IQGAP1: variants seen among roughly 807,000 people sequenced by gnomAD.
IQGAP1 encodes ras GTPase-activating-like protein IQGAP1.
A neutral mutation model predicts 215.6 loss-of-function variants in IQGAP1; 66 were observed. The observed-to-expected ratio is 0.31, with a 90% CI of 0.25 to 0.38. The LOEUF (loss-of-function observed/expected upper bound fraction) is 0.38, where lower values mean the gene tolerates loss of function less well. IQGAP1 is among the 10% of genes least tolerant of loss of function. The probability of loss-of-function intolerance (pLI) is 1.00; values close to 1 mark genes in which losing one functional copy is unlikely to be tolerated. For missense variants in IQGAP1, 1,712 were observed against 1,997.1 expected, an observed-to-expected ratio of 0.86 and a Z score of 2.72; for synonymous variants, 772 against 728.7, an observed-to-expected ratio of 1.06 and a Z score of -0.96.
chr15:90,401,253 TA>T, intron 2 of IQGAP1, among the ~76,000 whole-genome samples: 1 of 152,232 alleles, frequency 6.6e-6, no homozygotes, highest in Non-Finnish European at 1.5e-5. Context: ...TTAAACATAT[TA>T]ATGTTTAAGA....
chr15:90,397,108 C>T (rs1964733246), intron 2 of IQGAP1, among the ~76,000 whole-genome samples: 1 of 152,148 alleles, frequency 6.6e-6, no homozygotes, highest in Admixed American at 6.5e-5. Flanking sequence ...CCGCCTCGGC[C>T]CCCGCAAAGT....
Position 90,425,763 on chromosome 15 carries a change from A to G in IQGAP1, c.156-347A>G, listed in dbSNP as rs138136652. 2.3e-3 allele frequency among the ~76,000 whole-genome samples: 343 copies of G among 152,316 alleles called. 1 individual carries two copies. The highest frequency in any genetic ancestry group is 7.9e-3 in the African/African-American group (328 of 41,558). ...GTTGAAATGGTGGCTTCAGTTACCA[A>G]TGGCTTTTCTTAGGATTTGTTAAAG... On this transcript the variant is annotated intron_variant, in intron 2 of 37. Transcript: ENST00000268182.
At chr15:90,399,973 T>G (rs1048103700) in intron 2 of IQGAP1, among the ~76,000 whole-genome samples, 3 of 152,210 alleles carry the variant, frequency 2.0e-5, no homozygotes, top group Non-Finnish European at 2.9e-5. Context: ...AGAAACAACA[T>G]CTGAAGCTAG....
chr15:90,497,173 C>G (rs1966284396), intron 36 of IQGAP1, 59 bp from the exon 37 acceptor site: 2 of 892,954 alleles, frequency 2.2e-6, no homozygotes, highest in South Asian at 3.1e-5. Context: ...CCCCATTTCA[C>G]AGAATATTTT....
intron 37 of IQGAP1, among the ~76,000 whole-genome samples, chr15:90,498,201 C>T (rs890523193): frequency 2.0e-5 from 3 of 152,034 alleles, no homozygotes; most frequent in African/African-American, 4.8e-5. Context: ...ACTTACTTCC[C>T]CTCTCCCCGC....
At chr15:90,405,658 C>G (rs933341019) in intron 2 of IQGAP1, among the ~76,000 whole-genome samples, 3 of 151,672 alleles carry the variant, frequency 2.0e-5, no homozygotes, top group African/African-American at 4.8e-5. Context: ...GAATCTTTGT[C>G]ATAGACTTGT....
chr15:90,402,962 T>C (rs1964824034), intron 2 of IQGAP1, among the ~76,000 whole-genome samples: 1 of 152,204 alleles, frequency 6.6e-6, no homozygotes, highest in African/African-American at 2.4e-5. Flanking sequence ...TTTATTTAAA[T>C]GACTATTATA....
chr15:90,432,096 C>G (rs1301404416), intron 4 of IQGAP1, among the ~76,000 whole-genome samples: 1 of 152,164 alleles, frequency 6.6e-6, no homozygotes. Context: ...TCAAGACTTG[C>G]TGACATAAGA....
At position 90,500,826 on chromosome 15, in the gene IQGAP1, G is replaced by C. The variant is rs1014680772; in HGVS notation, c.*718G>C. 5 of 152,602 alleles carry C rather than the reference G, an allele frequency of 3.3e-5. No homozygotes were observed. The highest frequency in any genetic ancestry group is 5.9e-5 in the Non-Finnish European group (4 of 68,032). 9.5% of individuals were successfully genotyped at this position (152,602 alleles called of 1,614,324 possible). A position where few individuals can be genotyped will look rare whatever the true frequency, so the allele number is the denominator to read the frequency against. ...CCCATTGCTAAAATTCAGCTACTCA[G>C]ATAAATTCAGAATGGGTCAAGGCAC... is the stretch of plus-strand genomic sequence containing the variant. On this transcript the variant is annotated 3_prime_UTR_variant, in exon 38 of 38. Coordinates refer to ENST00000268182, the MANE Select transcript of IQGAP1 (RefSeq NM_003870.4).
intron 37 of IQGAP1, among the ~76,000 whole-genome samples, chr15:90,499,095 C>T (rs1326026847): frequency 2.0e-5 from 3 of 152,078 alleles, no homozygotes; most frequent in Non-Finnish European, 2.9e-5. Flanking sequence ...GGATGACAGG[C>T]GTGAGCCACC....
chr15:90,388,404 C>CGGGGCTCCGCGGCGCG lies in IQGAP1; in HGVS notation c.55+15_55+30dup, dbSNP rs1964582117. The CGGGGCTCCGCGGCGCG allele has an allele frequency of 1.4e-6, 2 of 1,444,844 alleles. No individual in the cohort carries two copies. The highest frequency in any genetic ancestry group is 3.0e-5 in the African/African-American group (2 of 65,744). 89.5% of individuals were successfully genotyped at this position (1,444,844 alleles called of 1,614,324 possible). ...CCCGGCCGCACTATGGCTGTGAGTG[C>CGGGGCTCCGCGGCGCG]GGGGCTCCGCGGCGCGGGGGCTTCG... On this transcript the variant is annotated intron_variant, in intron 1 of 37. Transcript: ENST00000268182.
In IQGAP1 at chr15:90,454,565, C is replaced by T. The variant is rs200758809; in HGVS notation, c.1612+13C>T. ...GAGGAACATGAGAGTGAGTTATCTT[C>T]CTGTCCTCCCCAAATAATGTCACCA... On this transcript the variant is annotated intron_variant, in intron 14 of 37. Coordinates refer to ENST00000268182, the MANE Select transcript of IQGAP1 (RefSeq NM_003870.4). 241 of 1,529,632 alleles carry T rather than the reference C, an allele frequency of 1.6e-4. No individual in the cohort carries two copies. The highest frequency in any genetic ancestry group is 8.4e-4 in the African/African-American group (60 of 71,128). The allele number at this position is 1,529,632 out of a possible 1,614,324, so 94.8% of individuals were successfully genotyped here. A position where few individuals can be genotyped will look rare whatever the true frequency, so the allele number is the denominator to read the frequency against.
At chr15:90,463,226 A>G (rs2151027947) in intron 15 of IQGAP1, among the ~76,000 whole-genome samples, 1 of 152,304 alleles carries the variant, frequency 6.6e-6, no homozygotes, top group East Asian at 1.9e-4. Context: ...GAAAGGTTTT[A>G]CTTTAATCTG....
At chr15:90,476,867 T>G (rs767869410) in intron 24 of IQGAP1, 49 bp downstream of exon 24, 3 of 1,564,898 alleles carry the variant, frequency 1.9e-6, no homozygotes, top group Non-Finnish European at 2.6e-6. Context: ...GAATTTATTT[T>G]TCCACAAGAA....
intron 9 of IQGAP1, among the ~76,000 whole-genome samples, chr15:90,443,993 G>C (rs1459035648): frequency 1.3e-5 from 2 of 151,978 alleles, no homozygotes; most frequent in Non-Finnish European, 2.9e-5. Context: ...GAACCTGGGA[G>C]GCATAGGTTG....
intron 1 of IQGAP1, 105 bp downstream of exon 1, chr15:90,388,501 C>T: frequency 2.0e-6 from 2 of 987,268 alleles, no homozygotes; most frequent in Non-Finnish European, 1.4e-6. Flanking sequence ...GGGCGGCTGC[C>T]GGCAGCTCGG....
Position 90,467,157 on chromosome 15 carries a change from C to T in IQGAP1, c.2036-293C>T, listed in dbSNP as rs1275272668. ...CTGAATGGTTGCACATTTTTTAAGACAGACAGGCCTTAAACTTTGGCTTTG... is the reference window on the plus strand; with the variant it reads ...CTGAATGGTTGCACATTTTTTAAGATAGACAGGCCTTAAACTTTGGCTTTG... On this transcript the variant is annotated intron_variant, in intron 17 of 37. Coordinates refer to ENST00000268182, the MANE Select transcript of IQGAP1 (RefSeq NM_003870.4). Among the ~76,000 whole-genome samples the T allele has an allele frequency of 2.0e-5, 3 of 152,062 alleles. No individual in the cohort carries two copies. The East Asian group carries it at 5.8e-4, about 29-fold the overall frequency.
At chr15:90,479,781 G>A (rs2063276637) in intron 26 of IQGAP1, among the ~76,000 whole-genome samples, 1 of 152,004 alleles carries the variant, frequency 6.6e-6, no homozygotes, top group South Asian at 2.1e-4. Context: ...CATCTGATTG[G>A]TTCTCAGTAC....
At chr15:90,418,236 C>T (rs1965081258) in intron 2 of IQGAP1, among the ~76,000 whole-genome samples, 1 of 151,210 alleles carries the variant, frequency 6.6e-6, no homozygotes, top group Admixed American at 6.6e-5. Context: ...GAGGAATTGA[C>T]TTAAAATACT....
Sources: allele counts gnomAD v4.1 joint callset (sites outside exome capture counted in the v4.1 genomes callset), GRCh38; gene constraint gnomAD v4.1.1; transcripts MANE v1.5; gene names NCBI Gene and HGNC (gene_info 2026-07-23, HGNC 2026-07-21).